LRRC37A3: variants seen among roughly 807,000 people sequenced by gnomAD.
LRRC37A3 encodes leucine-rich repeat-containing protein 37A3.
In LRRC37A3, 25 loss-of-function variants were observed where a neutral mutation model predicts 106.2. The ratio of observed to expected loss-of-function variants is 0.24; its 90% confidence interval spans 0.17 to 0.33. The LOEUF (loss-of-function observed/expected upper bound fraction) is 0.33. Among genes scored for constraint, LRRC37A3 ranks in the 10% least tolerant of loss-of-function variants. The pLI is 1.00. For missense variants in LRRC37A3, 712 were observed against 1,644.9 expected (o/e 0.43, Z 9.81); for synonymous variants, 305 against 635.8 (o/e 0.48, Z 7.83).
chr17:64,860,653 T>C lies in LRRC37A3; in HGVS notation c.3493A>G (p.Asn1165Asp). Residue 1165 changes from asparagine (N) to aspartate (D), a missense_variant, in exon 12 of 15, where the codon AAT becomes GAT. Transcript: ENST00000584306. ...QTVGKNRQRL[N>D]RVLMGPRSIQ... ...CTCCTTGGGCCCATGAGGACTCTAT[T>C]CAGTCTCTGCCGGTTTTTGCCTACA... is the stretch of plus-strand genomic sequence containing the variant. 1.2e-6 allele frequency: 2 copies of C among 1,614,038 alleles called. No homozygotes were observed. The highest frequency in any genetic ancestry group is 2.2e-5 in the South Asian group (2 of 91,080).
At chr17:64,865,552 T>A (rs1973038798) in intron 10 of LRRC37A3, among the ~76,000 whole-genome samples, 1 of 152,250 alleles carries the variant, frequency 6.6e-6, no homozygotes, top group South Asian at 2.1e-4. Flanking sequence ...CCTGTATAAC[T>A]TTCATCTGGA....
chr17:64,912,031 T>C (rs2143626398), intron 2 of LRRC37A3, among the ~76,000 whole-genome samples: 1 of 150,470 alleles, frequency 6.6e-6, no homozygotes, highest in Middle Eastern at 3.4e-3. Context: ...GTCATCGATA[T>C]TTTGGTGGTA....
intron 10 of LRRC37A3, among the ~76,000 whole-genome samples, chr17:64,863,820 TTTA>T (rs1207576569): frequency 1.3e-5 from 2 of 152,114 alleles, no homozygotes; most frequent in Admixed American, 6.6e-5. Context: ...ATTATTATTT[TTTA>T]TTTTTATTTT....
At chr17:64,863,901 C>T (rs1277617695) in intron 10 of LRRC37A3, among the ~76,000 whole-genome samples, 1 of 151,848 alleles carries the variant, frequency 6.6e-6, no homozygotes, top group Non-Finnish European at 1.5e-5. Context: ...CCCCCCTGGG[C>T]TCAAGGGATC....
chr17:64,867,534 G>A (rs1329230424), intron 10 of LRRC37A3, among the ~76,000 whole-genome samples: 4 of 152,000 alleles, frequency 2.6e-5, no homozygotes, highest in African/African-American at 9.7e-5. Context: ...ATGACATAAT[G>A]TTTGTATACA....
chr17:64,884,506 C>A (rs1460383710), intron 8 of LRRC37A3, among the ~76,000 whole-genome samples: 1 of 150,974 alleles, frequency 6.6e-6, no homozygotes, highest in Non-Finnish European at 1.5e-5. Flanking sequence ...CCTAGGATTA[C>A]AGTTGCCTGC....
At chr17:64,906,968 G>A (rs1254075847) in intron 2 of LRRC37A3, among the ~76,000 whole-genome samples, 3 of 135,510 alleles carry the variant, frequency 2.2e-5, no homozygotes, top group South Asian at 2.6e-4. Context: ...TCCTGACATC[G>A]GGATCCACCC....
At chr17:64,858,204 T>TCC (rs896371933) in intron 13 of LRRC37A3, among the ~76,000 whole-genome samples, 6 of 152,232 alleles carry the variant, frequency 3.9e-5, no homozygotes, top group Admixed American at 3.3e-4. Flanking sequence ...TATGAGATGT[T>TCC]CCCCCTCACC....
intron 2 of LRRC37A3, among the ~76,000 whole-genome samples, chr17:64,911,018 C>T (rs1974577718): frequency 1.3e-5 from 2 of 152,228 alleles, no homozygotes; most frequent in Non-Finnish European, 2.9e-5. Flanking sequence ...CTCAGATCAG[C>T]TCCATAAAAT....
intron 10 of LRRC37A3, among the ~76,000 whole-genome samples, chr17:64,866,613 TATATATATATA>T (rs1973099524): frequency 4.5e-5 from 1 of 22,454 alleles, no homozygotes; most frequent in Non-Finnish European, 7.4e-5. Context: ...TATATATATA[TATATATATATA>T]TATATTTTTT....
At chr17:64,877,587 A>G (rs1383969737) in intron 8 of LRRC37A3, among the ~76,000 whole-genome samples, 1 of 152,238 alleles carries the variant, frequency 6.6e-6, no homozygotes, top group Non-Finnish European at 1.5e-5. Flanking sequence ...ATTTGGGTTG[A>G]TTACATATCT....
chr17:64,901,403 AC>A (rs1253702662), intron 2 of LRRC37A3: 43 of 148,550 alleles, frequency 2.9e-4, no homozygotes. Flanking sequence ...CTAGGTGTCT[AC>A]TCCCTGAGAA....
rs372343881 is a variant in LRRC37A3 at position 64,893,768 on chromosome 17, G to A, written c.2609+881C>T. ...AGGTTCACGCCATTCTCCTGCCTCA[G>A]CCTCCCAAGTAGCTGGGACTCCAGG... is the stretch of plus-strand genomic sequence containing the variant. On this transcript the variant is annotated intron_variant, in intron 4 of 14. Coordinates refer to ENST00000584306, the MANE Select transcript of LRRC37A3 (RefSeq NM_199340.5). 2.5e-4 allele frequency among the ~76,000 whole-genome samples: 36 copies of A among 144,688 alleles called. 1 individual carries two copies. The East Asian group carries it at 3.3e-3, about 13-fold the overall frequency. 94.9% of individuals were successfully genotyped at this position (144,688 alleles called of 152,430 possible).
At chr17:64,901,233 A>G (rs1288644459) in intron 2 of LRRC37A3, 1 of 151,224 alleles carries the variant, frequency 6.6e-6, no homozygotes, top group Non-Finnish European at 1.5e-5. Context: ...TCTTACAGAT[A>G]GGAACTAAGG....
intron 13 of LRRC37A3, among the ~76,000 whole-genome samples, chr17:64,857,618 G>T (rs1972721819): frequency 6.6e-6 from 1 of 152,118 alleles, no homozygotes; most frequent in Non-Finnish European, 1.5e-5. Context: ...AGCCTCTGAA[G>T]TCTCTCATAT....
At chr17:64,863,095 C>T (rs1298077035) in intron 10 of LRRC37A3, 77 bp from the exon 11 acceptor site, 6 of 1,574,372 alleles carry the variant, frequency 3.8e-6, no homozygotes, top group South Asian at 1.1e-5. Flanking sequence ...GCCAACACTA[C>T]CACAGGGGTG....
chr17:64,877,198 T>A (rs1410542985), intron 8 of LRRC37A3, among the ~76,000 whole-genome samples: 3 of 152,098 alleles, frequency 2.0e-5, no homozygotes, highest in Non-Finnish European at 2.9e-5. Context: ...AGCAGCCTGA[T>A]AAACGTGCTG....
chr17:64,855,273 A>G (rs1368208308), intron 14 of LRRC37A3, among the ~76,000 whole-genome samples: 6 of 151,130 alleles, frequency 4.0e-5, no homozygotes, highest in Middle Eastern at 3.5e-3. Flanking sequence ...GCCACTTAAG[A>G]GGAAGGACTC....
chr17:64,866,612 ATATATATATATATATATTTTT>A lies in LRRC37A3; in HGVS notation c.3053+1829_3053+1849del, dbSNP rs1312735863. On this transcript the variant is annotated intron_variant, in intron 10 of 14. Coordinates refer to ENST00000584306, the MANE Select transcript of LRRC37A3 (RefSeq NM_199340.5). Reference sequence around the variant, plus strand: ...TACATATATATATATATATATATATATATATATATATATATATTTTTTTTTTTTTTTTTTTTTAGACAGGGT... The same window carrying A: ...TACATATATATATATATATATATATATTTTTTTTTTTTTTTTAGACAGGGT... 8.0e-4 allele frequency among the ~76,000 whole-genome samples: 17 copies of A among 21,362 alleles called. 2 individuals are homozygous for A. The highest frequency in any genetic ancestry group is 4.3e-3 in the African/African-American group (16 of 3,714). The allele number at this position is 21,362 out of a possible 152,430, so 14.0% of individuals were successfully genotyped here.
Sources: gnomAD v4.1 joint callset for allele counts (sites outside exome capture counted in the v4.1 genomes callset) on GRCh38, gnomAD v4.1.1 for gene constraint, MANE v1.5 for transcripts, NCBI Gene and HGNC (gene_info 2026-07-23, HGNC 2026-07-21) for gene names.